Variants in RNF220 observed in about 807,000 individuals in gnomAD.
The protein encoded by RNF220 is E3 ubiquitin-protein ligase RNF220.
RNF220 carries 7 observed loss-of-function variants against 67.1 expected under a neutral mutation model. The observed-to-expected ratio is 0.10, with a 90% CI of 0.06 to 0.20. RNF220 has a LOEUF of 0.20. Among genes scored for constraint, RNF220 ranks in the 10% least tolerant of loss-of-function variants. RNF220 has a pLI of 1.00. For synonymous variants in RNF220, 270 were observed against 283.2 expected, an observed-to-expected ratio of 0.95 and a Z score of 0.47; for missense variants, 565 against 740.3, an observed-to-expected ratio of 0.76 and a Z score of 2.75.
chr1:44,535,155 T>C (rs1297599557), intron 2 of RNF220, among the ~76,000 whole-genome samples: 1 of 148,588 alleles, frequency 6.7e-6, no homozygotes, highest in Non-Finnish European at 1.5e-5. Context: ...TTTTTTTTTT[T>C]TTTGAGACAG....
At chr1:44,549,085 G>T (rs1363010919) in intron 2 of RNF220, among the ~76,000 whole-genome samples, 1 of 152,140 alleles carries the variant, frequency 6.6e-6, no homozygotes, top group Non-Finnish European at 1.5e-5. Context: ...TACTCAGGAG[G>T]CTGAGACACG....
intron 2 of RNF220, among the ~76,000 whole-genome samples, chr1:44,432,290 A>G (rs1650466935): frequency 1.3e-5 from 2 of 152,044 alleles, no homozygotes; most frequent in Non-Finnish European, 2.9e-5. Context: ...TATTTTTTTG[A>G]GATGGATTCT....
intron 2 of RNF220, chr1:44,419,752 C>A (rs541761469): frequency 6.6e-6 from 1 of 152,286 alleles, no homozygotes; most frequent in South Asian, 2.1e-4. Context: ...CTTGAGGTTT[C>A]ATGATGATGA....
chr1:44,649,680 G>A lies in RNF220; in HGVS notation c.1465G>A (p.Val489Met). The change falls in exon 13 of 15, where the codon GTG (valine) becomes ATG (methionine). Residue 489 changes from valine to methionine, a missense_variant. Val to Met is a conservative substitution (Grantham distance 21, BLOSUM62 1). Transcript: ENST00000361799. This position sits in a 1 kb window ranked among gnomAD's most constrained non-coding sequence, Gnocchi z 5.9. ...TTACAGAATCACCGAAGATTCAGCTGTGACCACGTTTGAGGCTCTGAAGGC... is the reference window on the plus strand; with the variant it reads ...TTACAGAATCACCGAAGATTCAGCTATGACCACGTTTGAGGCTCTGAAGGC... ...DIEKITEDSA[V>M]TTFEALKARV... The A allele has an allele frequency of 6.2e-7, 1 of 1,614,040 alleles. No individual in the cohort carries two copies. The highest frequency in any genetic ancestry group is 8.5e-7 in the Non-Finnish European group (1 of 1,179,956).
intron 2 of RNF220, among the ~76,000 whole-genome samples, chr1:44,512,944 GGAGGGACCAAGCCAA>G (rs1659142210): frequency 6.6e-6 from 1 of 152,132 alleles, no homozygotes; most frequent in Non-Finnish European, 1.5e-5. Flanking sequence ...CTGAGCCAAG[GGAGGGACCAAGCCAA>G]CCCACCCAAT....
chr1:44,451,679 A>G (rs910753849), intron 2 of RNF220, among the ~76,000 whole-genome samples: 39 of 152,002 alleles, frequency 2.6e-4, no homozygotes, highest in African/African-American at 8.9e-4. Context: ...CTAGAGTGCA[A>G]TGGCATGATC....
chr1:44,501,825 C>T (rs751600815), intron 2 of RNF220, among the ~76,000 whole-genome samples: 3 of 152,010 alleles, frequency 2.0e-5, no homozygotes, highest in East Asian at 1.9e-4. Flanking sequence ...CTGTTTTCTC[C>T]GCTCTTACCC....
At chr1:44,405,770 C>T (rs1461599372) in intron 1 of RNF220, among the ~76,000 whole-genome samples, 1 of 131,720 alleles carries the variant, frequency 7.6e-6, no homozygotes, top group Non-Finnish European at 1.5e-5. Context: ...TCAAACTTTC[C>T]GTCTTGAGTT....
At chr1:44,633,521 C>G (rs959038816) in intron 6 of RNF220, among the ~76,000 whole-genome samples, 5 of 152,178 alleles carry the variant, frequency 3.3e-5, no homozygotes, top group African/African-American at 9.7e-5. Flanking sequence ...AAGGTGAAAA[C>G]CAAACCTGCC....
In RNF220 at chr1:44,645,341, C is replaced by T; in HGVS notation, c.1366+65C>T. 1 of 1,613,098 alleles carries T rather than the reference C, an allele frequency of 6.2e-7. No homozygotes were observed. Among genetic ancestry groups the T allele is most frequent in the Non-Finnish European group, 8.5e-7 (1 of 1,179,086 alleles). On this transcript the variant is annotated intron_variant, in intron 11 of 14. Transcript: ENST00000361799. The surrounding 1 kb of genome is among the most constrained non-coding windows in gnomAD (Gnocchi z 5.0). ...GGTATCCCTAGATGGTGGTGACTGA[C>T]TCAAGCCCAACCCCTCACCTGTGCT...
chr1:44,459,968 G>A (rs556208387), intron 2 of RNF220, among the ~76,000 whole-genome samples: 2 of 152,278 alleles, frequency 1.3e-5, no homozygotes, highest in Non-Finnish European at 1.5e-5. Context: ...ACCCTGAGAC[G>A]AGGATTAGTC....
Position 44,649,079 on chromosome 1 carries a change from A to G in RNF220, c.1446-582A>G, listed in dbSNP as rs115064043. The G allele has an allele frequency of 0.016, 2,562 of 162,544 alleles. 69 individuals carry two copies. The highest frequency in any genetic ancestry group is 0.058 in the African/African-American group (2,432 of 41,606). The allele number at this position is 162,544 out of a possible 1,614,324, so 10.1% of individuals were successfully genotyped here. On this transcript the variant is annotated intron_variant, in intron 12 of 14. Transcript: ENST00000361799. This position sits in a 1 kb window ranked among gnomAD's most constrained non-coding sequence, Gnocchi z 5.9. ...TGAAAAAGGTGGCGTGGATGGTGAC[A>G]CATAGGAGTCGAGCATAAAATGCGT... is the stretch of plus-strand genomic sequence containing the variant.
intron 2 of RNF220, among the ~76,000 whole-genome samples, chr1:44,432,385 C>A (rs1249445912): frequency 6.7e-6 from 1 of 150,128 alleles, no homozygotes; most frequent in East Asian, 2.0e-4. Flanking sequence ...ATTCTTGTGT[C>A]TCAGCCTCCT....
At chr1:44,488,521 C>G (rs1480619525) in intron 2 of RNF220, among the ~76,000 whole-genome samples, 1 of 151,986 alleles carries the variant, frequency 6.6e-6, no homozygotes, top group Non-Finnish European at 1.5e-5. Context: ...TGCTGTGTTT[C>G]CCAGGCTGGT....
chr1:44,607,644 C>T (rs970914183), intron 2 of RNF220, among the ~76,000 whole-genome samples: 9 of 152,188 alleles, frequency 5.9e-5, no homozygotes, highest in Admixed American at 3.3e-4. Context: ...CCCGCCACCA[C>T]GCCCAGCTAA....
At chr1:44,632,422 CGGCCTCCT>C (rs1573127308) in intron 6 of RNF220, 37 bp downstream of exon 6, 5 of 1,531,208 alleles carry the variant, frequency 3.3e-6, no homozygotes, top group African/African-American at 1.4e-5. Context: ...GCCCCACCCC[CGGCCTCCT>C]CCCTCCCTCC....
intron 2 of RNF220, among the ~76,000 whole-genome samples, chr1:44,505,470 C>T (rs1037878905): frequency 6.6e-6 from 1 of 152,258 alleles, no homozygotes; most frequent in Non-Finnish European, 1.5e-5. Flanking sequence ...AGTCAGCATC[C>T]GTTCCATCAC....
At chr1:44,468,013 G>A (rs943802540) in intron 2 of RNF220, among the ~76,000 whole-genome samples, 9 of 152,072 alleles carry the variant, frequency 5.9e-5, no homozygotes, top group African/African-American at 1.4e-4. Flanking sequence ...CACACACAAC[G>A]TTTATTAAGT....
At chr1:44,631,975 A>C in intron 5 of RNF220, 2 of 1,000,188 alleles carry the variant, frequency 2.0e-6, no homozygotes, top group Non-Finnish European at 2.4e-6. Flanking sequence ...ATTAGGGCCA[A>C]CATGGCCGCC....
Sources: allele counts gnomAD v4.1 joint callset (sites outside exome capture counted in the v4.1 genomes callset), GRCh38; gene constraint gnomAD v4.1.1; non-coding constraint Gnocchi (gnomAD v3.1); transcripts MANE v1.5; gene names NCBI Gene and HGNC (gene_info 2026-07-23, HGNC 2026-07-21).